Variants in ZCCHC4 observed in about 807,000 individuals in gnomAD.
ZCCHC4 encodes rRNA N(6)-adenosine-methyltransferase ZCCHC4.
In ZCCHC4, 54 loss-of-function variants were observed where a neutral mutation model predicts 67.7. The observed-to-expected ratio is 0.80, with a 90% CI of 0.64 to 1.00. The LOEUF is 1.00. Ranked by LOEUF, ZCCHC4 falls within the 50% of genes least tolerant of loss-of-function variation. The pLI is 0.00. For missense variants in ZCCHC4, 609 were observed against 617.0 expected, an observed-to-expected ratio of 0.99 and a Z score of 0.14; for synonymous variants, 198 against 213.5, an observed-to-expected ratio of 0.93 and a Z score of 0.63.
chr4:25,366,234 C>A, intron 12 of ZCCHC4: 1 of 923,140 alleles, frequency 1.1e-6, no homozygotes, highest in Non-Finnish European at 1.3e-6. Flanking sequence ...ATTTACTCTA[C>A]TTTAAATAAT....
intron 8 of ZCCHC4, chr4:25,352,213 G>C (rs908583177): frequency 1.0e-6 from 1 of 985,292 alleles, no homozygotes; most frequent in Non-Finnish European, 1.2e-6. Flanking sequence ...GGAAGTTACT[G>C]GAGTGAGTAA....
At chr4:25,345,205 AG>A (rs1292200857) in intron 5 of ZCCHC4, among the ~76,000 whole-genome samples, 3 of 152,204 alleles carry the variant, frequency 2.0e-5, no homozygotes, top group African/African-American at 7.2e-5. Flanking sequence ...ATTAACCATG[AG>A]GGATGTATCT....
intron 5 of ZCCHC4, 86 bp from the exon 6 acceptor site, chr4:25,345,462 G>C: frequency 1.2e-6 from 1 of 801,190 alleles, no homozygotes; most frequent in Non-Finnish European, 2.0e-6. Flanking sequence ...TTTTTTAAAG[G>C]TGTGATTTTA....
chr4:25,354,476 G>A (rs1281480156), intron 8 of ZCCHC4, among the ~76,000 whole-genome samples: 1 of 152,136 alleles, frequency 6.6e-6, no homozygotes, highest in Non-Finnish European at 1.5e-5. Context: ...CCTGCTAAAG[G>A]GAAGAACAGT....
At chr4:25,349,710 G>A (rs1362897364) in intron 7 of ZCCHC4, 68 bp downstream of exon 7, 1 of 1,521,300 alleles carries the variant, frequency 6.6e-7, no homozygotes, top group East Asian at 2.3e-5. Flanking sequence ...TATTAGCTGA[G>A]CTCAGTGAAT....
intron 3 of ZCCHC4, 97 bp from the exon 4 acceptor site, chr4:25,333,086 G>A: frequency 7.9e-7 from 1 of 1,267,736 alleles, no homozygotes. Context: ...TCTTTAGGAA[G>A]TAAAAATACT....
chr4:25,352,968 A>G (rs894526800), intron 8 of ZCCHC4, among the ~76,000 whole-genome samples: 2 of 152,386 alleles, frequency 1.3e-5, no homozygotes, highest in African/African-American at 2.4e-5. Context: ...CTGTACTTTC[A>G]AAGTGTTCAC....
chr4:25,353,312 G>A (rs1476333890), intron 8 of ZCCHC4, among the ~76,000 whole-genome samples: 1 of 152,084 alleles, frequency 6.6e-6, no homozygotes, highest in South Asian at 2.1e-4. Context: ...CTATTAAGTA[G>A]CATTAACAGG....
chr4:25,328,490 T>C (rs1226086652), intron 3 of ZCCHC4, among the ~76,000 whole-genome samples: 2 of 152,214 alleles, frequency 1.3e-5, no homozygotes, highest in Non-Finnish European at 2.9e-5. Context: ...TCTGCCCACC[T>C]CAGCCTCCCA....
intron 2 of ZCCHC4, among the ~76,000 whole-genome samples, chr4:25,314,875 C>T (rs953660654): frequency 6.6e-6 from 1 of 152,146 alleles, no homozygotes; most frequent in African/African-American, 2.4e-5. Flanking sequence ...CATTGAACAT[C>T]CCTTATACAG....
chr4:25,362,053 C>G lies in ZCCHC4; in HGVS notation c.1133+73C>G, dbSNP rs1001594193. ...GTTACATATATCCATCAGTCAAATGCTTTCAGTATTGAATCATGTTATTCT... is the reference window on the plus strand; with the variant it reads ...GTTACATATATCCATCAGTCAAATGGTTTCAGTATTGAATCATGTTATTCT... On this transcript the variant is annotated intron_variant, in intron 9 of 12. Coordinates refer to ENST00000302874, the MANE Select transcript of ZCCHC4 (RefSeq NM_024936.3). 13 of 1,535,556 alleles carry G rather than the reference C, an allele frequency of 8.5e-6. No homozygotes were observed. In the African/African-American group the frequency reaches 1.8e-4, roughly 21 times the overall value.
rs114816748 is a variant in ZCCHC4 at position 25,358,854 on chromosome 4, T to C, written c.1012-3005T>C. Among the ~76,000 whole-genome samples, 836 of 152,354 alleles carry C rather than the reference T, an allele frequency of 5.5e-3. 16 individuals are homozygous for C. The highest frequency in any genetic ancestry group is 0.019 in the African/African-American group (797 of 41,578). On this transcript the variant is annotated intron_variant, in intron 8 of 12. Transcript: ENST00000302874. ...GCTGTACATATGGCCTGTGCCTAGG[T>C]TGGCTCATGCCCGGGCTCACTTGCA...
Position 25,349,486 on chromosome 4 carries a change from T to C in ZCCHC4, c.760-6T>C. 7 of 1,613,136 alleles carry C rather than the reference T, an allele frequency of 4.3e-6. No individual in the cohort carries two copies. The highest frequency in any genetic ancestry group is 5.9e-6 in the Non-Finnish European group (7 of 1,179,566). ...TAATTTAGAAATGAATTTTTATTTGTTCCAGACTGCCCTTGAAGTATGCAG... is the reference window on the plus strand; with the variant it reads ...TAATTTAGAAATGAATTTTTATTTGCTCCAGACTGCCCTTGAAGTATGCAG... On this transcript the variant is annotated splice_region_variant and splice_polypyrimidine_tract_variant and intron_variant, in intron 6 of 12. Transcript: ENST00000302874.
chr4:25,336,816 T>C (rs1364894319), intron 5 of ZCCHC4, among the ~76,000 whole-genome samples: 1 of 152,162 alleles, frequency 6.6e-6, no homozygotes, highest in Non-Finnish European at 1.5e-5. Flanking sequence ...GCCTGTTATA[T>C]TTCAGGCCTT....
intron 5 of ZCCHC4, among the ~76,000 whole-genome samples, chr4:25,336,045 C>T (rs895248848): frequency 1.3e-5 from 2 of 152,144 alleles, no homozygotes; most frequent in Non-Finnish European, 2.9e-5. Context: ...TAATAGTCAC[C>T]ATTTAAAAGT....
intron 7 of ZCCHC4, among the ~76,000 whole-genome samples, chr4:25,350,029 C>A (rs61442925): frequency 6.6e-6 from 1 of 152,008 alleles, no homozygotes; most frequent in South Asian, 2.1e-4. Context: ...GTGGATCATA[C>A]ATTCCCTGTT....
In ZCCHC4 at chr4:25,333,176, C is replaced by G; in HGVS notation, c.330-7C>G. On this transcript the variant is annotated splice_region_variant and splice_polypyrimidine_tract_variant and intron_variant, in intron 3 of 12. Coordinates refer to ENST00000302874, the MANE Select transcript of ZCCHC4 (RefSeq NM_024936.3). The stretch of plus-strand genomic sequence containing the variant: ...TATATTTCTTTGTGTTTTATTTTGT[C>G]TTGAAGGTACTTGAAGTTTATTGAG... 2 of 1,607,332 alleles carry G rather than the reference C, an allele frequency of 1.2e-6. No homozygotes were observed. Among genetic ancestry groups the G allele is most frequent in the Non-Finnish European group, 1.7e-6 (2 of 1,175,404 alleles).
At position 25,333,405 on chromosome 4, in the gene ZCCHC4, A is replaced by G; in HGVS notation, c.552A>G (p.Val184=). 1.9e-6 allele frequency: 3 copies of G among 1,614,198 alleles called. No homozygotes were observed. The highest frequency in any genetic ancestry group is 2.5e-6 in the Non-Finnish European group (3 of 1,180,016). ...LFADRSCQFL[V]DLLSALGFRR... The stretch of plus-strand genomic sequence containing the variant: ...CTGATCGGAGCTGTCAGTTCTTGGT[A>G]GACTTACTTTCTGCCCTCGGATTCA... Residue 184 remains valine, a synonymous_variant, in exon 4 of 13, where the codon GTA becomes GTG. Transcript: ENST00000302874.
chr4:25,334,588 C>A (rs900708903), intron 5 of ZCCHC4, among the ~76,000 whole-genome samples: 10 of 152,146 alleles, frequency 6.6e-5, no homozygotes, highest in African/African-American at 2.4e-4. Context: ...TGAATCTCCC[C>A]TCTGGTGGTA....
Sources: allele counts gnomAD v4.1 joint callset (sites outside exome capture counted in the v4.1 genomes callset), GRCh38; gene constraint gnomAD v4.1.1; transcripts MANE v1.5; gene names NCBI Gene and HGNC (gene_info 2026-07-23, HGNC 2026-07-21).